DDX10: variants seen among roughly 807,000 people sequenced by gnomAD.
DDX10 encodes DEAD-box helicase 10.
DDX10 carries 74 observed loss-of-function variants against 104.3 expected under a neutral mutation model. The ratio of observed to expected loss-of-function variants is 0.71; its 90% CI spans 0.59 to 0.86. DDX10 has a LOEUF of 0.86. Ranked by LOEUF, DDX10 falls within the 40% of genes least tolerant of loss-of-function variation. The probability of loss-of-function intolerance (pLI) is 0.00; values close to 1 mark genes in which losing one functional copy is unlikely to be tolerated. For synonymous variants in DDX10, 351 were observed against 353.4 expected, an observed-to-expected ratio of 0.99 and a Z score of 0.08; for missense variants, 952 against 1,040.0, an observed-to-expected ratio of 0.92 and a Z score of 1.16.
rs1373619938 is a variant in DDX10 at position 108,917,907 on chromosome 11, G to A, written c.2339G>A (p.Ser780Asn). ...KDEEEAFLDW[S>N]DDDDDDDDGF... The stretch of plus-strand genomic sequence containing the variant: ...GAAGAGGAAGCCTTTCTGGATTGGA[G>A]TGATGATGATGATGATGATGATGAT... Residue 780 changes from serine to asparagine, a missense_variant, in exon 17 of 18, where the codon AGT (serine) becomes AAT (asparagine). Around this residue, in one of 3 missense-constraint regions of DDX10, gnomAD observed 533 missense variants for 534.1 expected, o/e 1.00. Coordinates refer to ENST00000322536, the MANE Select transcript of DDX10 (RefSeq NM_004398.4). 6.3e-7 allele frequency: 1 copy of A among 1,592,278 alleles called. No homozygotes were observed. Among genetic ancestry groups the A allele is most frequent in the African/African-American group, 1.3e-5 (1 of 74,190 alleles).
At chr11:108,731,574 G>A in intron 13 of DDX10, among the ~76,000 whole-genome samples, 1 of 149,218 alleles carries the variant, frequency 6.7e-6, no homozygotes, top group East Asian at 2.0e-4. Flanking sequence ...GTGCAATGGT[G>A]TCATCATGGC....
intron 10 of DDX10, among the ~76,000 whole-genome samples, chr11:108,714,333 G>T (rs1482769251): frequency 6.6e-6 from 1 of 152,162 alleles, no homozygotes; most frequent in African/African-American, 2.4e-5. Flanking sequence ...GCTCAAGTAA[G>T]CTGTGATCCC....
At chr11:108,700,052 G>A (rs2094265471) in intron 9 of DDX10, among the ~76,000 whole-genome samples, 1 of 152,116 alleles carries the variant, frequency 6.6e-6, no homozygotes, top group African/African-American at 2.4e-5. Flanking sequence ...CCTCTCATAG[G>A]TGAGGACTCT....
intron 13 of DDX10, among the ~76,000 whole-genome samples, chr11:108,725,999 G>T (rs575579194): frequency 6.6e-6 from 1 of 151,804 alleles, no homozygotes; most frequent in Admixed American, 6.6e-5. Flanking sequence ...TTTGCATATG[G>T]GTATCCAGTT....
rs1262748165 is a variant in DDX10, at chr11:108,940,530, C to T, written c.*107C>T. 2.8e-6 allele frequency: 3 copies of T among 1,077,350 alleles called. No homozygotes were observed. The highest frequency in any genetic ancestry group is 4.0e-6 in the Non-Finnish European group (3 of 753,202). 66.7% of individuals were successfully genotyped at this position (1,077,350 alleles called of 1,614,324 possible). On this transcript the variant is annotated 3_prime_UTR_variant, in exon 18 of 18. Transcript: ENST00000322536. ...CACTTAGGTACCATATGCCCCATTCCCAAAGGGCACATTTCTGGATAGAAG... is the reference window on the plus strand; with the variant it reads ...CACTTAGGTACCATATGCCCCATTCTCAAAGGGCACATTTCTGGATAGAAG...
intron 16 of DDX10, among the ~76,000 whole-genome samples, chr11:108,906,598 T>C (rs1863600129): frequency 6.6e-6 from 1 of 152,248 alleles, no homozygotes; most frequent in South Asian, 2.1e-4. Context: ...ATTAGTGTCT[T>C]GTGACTCATC....
intron 6 of DDX10, among the ~76,000 whole-genome samples, chr11:108,688,466 T>C (rs1338029980): frequency 6.6e-6 from 1 of 152,224 alleles, no homozygotes; most frequent in African/African-American, 2.4e-5. Flanking sequence ...TCTCTCCAAA[T>C]ACTTCAGCAC....
intron 8 of DDX10, among the ~76,000 whole-genome samples, chr11:108,693,042 C>G (rs1375335002): frequency 1.3e-5 from 2 of 152,144 alleles, no homozygotes; most frequent in African/African-American, 4.8e-5. Flanking sequence ...GCTATCCCTC[C>G]CCTAGTCCCC....
intron 17 of DDX10, among the ~76,000 whole-genome samples, chr11:108,930,182 T>G (rs540931475): frequency 1.3e-5 from 2 of 152,360 alleles, no homozygotes; most frequent in African/African-American, 4.8e-5. Context: ...CCGAATCCCT[T>G]GCAACCACTG....
At chr11:108,734,895 A>G (rs576695430) in intron 13 of DDX10, among the ~76,000 whole-genome samples, 6 of 152,354 alleles carry the variant, frequency 3.9e-5, no homozygotes, top group African/African-American at 9.6e-5. Context: ...ATATAATTGT[A>G]CAACACTGCT....
chr11:108,911,038 C>T (rs1281190954), intron 16 of DDX10, among the ~76,000 whole-genome samples: 1 of 152,128 alleles, frequency 6.6e-6, no homozygotes, highest in Non-Finnish European at 1.5e-5. Flanking sequence ...AGACATTTAG[C>T]AGGGCTTGTG....
Position 108,776,358 on chromosome 11 carries a change from A to G in DDX10, c.1965+52896A>G, listed in dbSNP as rs73556779. ...GGAGGATTATACAGATATCTGAGGT[A>G]CCCTTTCTGTGGCTCACTCTGTTTT... On this transcript the variant is annotated intron_variant, in intron 13 of 17. Coordinates refer to ENST00000322536, the MANE Select transcript of DDX10 (RefSeq NM_004398.4). 6.3e-3 allele frequency among the ~76,000 whole-genome samples: 962 copies of G among 152,248 alleles called. 9 individuals are homozygous for G. Among genetic ancestry groups the G allele is most frequent in the African/African-American group, 0.022 (916 of 41,538 alleles).
chr11:108,817,929 A>G (rs1565288119), intron 13 of DDX10, among the ~76,000 whole-genome samples: 1 of 152,250 alleles, frequency 6.6e-6, no homozygotes. Context: ...TAAGGAGACA[A>G]CATGCTGCTA....
intron 13 of DDX10, among the ~76,000 whole-genome samples, chr11:108,726,023 T>A (rs2094305023): frequency 6.6e-6 from 1 of 151,980 alleles, no homozygotes; most frequent in African/African-American, 2.4e-5. Context: ...CCAGTACCAT[T>A]TGTTTGGAAA....
At chr11:108,772,519 C>T (rs1004135012) in intron 13 of DDX10, among the ~76,000 whole-genome samples, 2 of 152,166 alleles carry the variant, frequency 1.3e-5, no homozygotes, top group African/African-American at 4.8e-5. Flanking sequence ...TTGGTTCTCC[C>T]CTAGTAGCCA....
chr11:108,819,167 C>G (rs1309640839), intron 13 of DDX10, among the ~76,000 whole-genome samples: 1 of 152,076 alleles, frequency 6.6e-6, no homozygotes, highest in Non-Finnish European at 1.5e-5. Flanking sequence ...CTGCCCTTTT[C>G]CATGTCTGTT....
At chr11:108,846,232 C>G (rs1732416373) in intron 15 of DDX10, among the ~76,000 whole-genome samples, 1 of 152,110 alleles carries the variant, frequency 6.6e-6, no homozygotes, top group South Asian at 2.1e-4. Context: ...ATTAACATAA[C>G]CATCACTTCA....
chr11:108,925,993 G>A (rs1670205744), intron 17 of DDX10, among the ~76,000 whole-genome samples: 1 of 152,110 alleles, frequency 6.6e-6, no homozygotes, highest in Non-Finnish European at 1.5e-5. Context: ...TTGGGTAGGT[G>A]GTGATCTTAG....
intron 10 of DDX10, among the ~76,000 whole-genome samples, chr11:108,709,930 A>G (rs995131738): frequency 6.6e-6 from 1 of 152,160 alleles, no homozygotes; most frequent in Admixed American, 6.5e-5. Flanking sequence ...AGTGTGAGCA[A>G]TGGATCATTA....
Sources: allele counts gnomAD v4.1 joint callset (sites outside exome capture counted in the v4.1 genomes callset), GRCh38; gene constraint gnomAD v4.1.1; regional missense constraint gnomAD v4.1.1; transcripts MANE v1.5; gene names NCBI Gene and HGNC (gene_info 2026-07-23, HGNC 2026-07-21).